The following SGCZ variants were observed in gnomAD, a reference collection of about 807,000 sequenced individuals.
The protein encoded by SGCZ is sarcoglycan zeta, also known as zeta-sarcoglycan.
A neutral mutation model predicts 41.3 loss-of-function variants in SGCZ; 40 were observed. That is an observed-to-expected ratio of 0.97 (90% CI 0.75 to 1.26). The LOEUF is 1.26. SGCZ is among the 50% of genes most tolerant of loss of function. The pLI is 0.00. For missense variants in SGCZ, 552 were observed against 369.8 expected, an observed-to-expected ratio of 1.49 and a Z score of -4.04; for synonymous variants, 206 against 137.5, an observed-to-expected ratio of 1.50 and a Z score of -3.49.
At chr8:14,685,316 T>C (rs1221995893) in intron 1 of SGCZ, among the ~76,000 whole-genome samples, 1 of 152,056 alleles carries the variant, frequency 6.6e-6, no homozygotes, top group Non-Finnish European at 1.5e-5. Context: ...GTAAAAAAGA[T>C]TAAAAAATTC....
intron 1 of SGCZ, among the ~76,000 whole-genome samples, chr8:14,611,668 A>C (rs1805934690): frequency 6.6e-6 from 1 of 152,218 alleles, no homozygotes; most frequent in African/African-American, 2.4e-5. Flanking sequence ...AATATAGAAA[A>C]AATTGCAGCA....
At chr8:14,994,225 TG>T (rs1355220939) in intron 1 of SGCZ, among the ~76,000 whole-genome samples, 2 of 152,226 alleles carry the variant, frequency 1.3e-5, no homozygotes, top group Non-Finnish European at 2.9e-5. Context: ...TACAGAACCA[TG>T]GGCATCTTCA....
chr8:14,644,913 G>C (rs902496736), intron 1 of SGCZ, among the ~76,000 whole-genome samples: 1 of 146,228 alleles, frequency 6.8e-6, no homozygotes, highest in East Asian at 2.0e-4. Flanking sequence ...CCTCTTGACA[G>C]AAATATAAAA....
chr8:14,137,249 T>TA (rs1443075461), intron 5 of SGCZ, among the ~76,000 whole-genome samples: 2 of 152,136 alleles, frequency 1.3e-5, no homozygotes, highest in African/African-American at 2.4e-5. Flanking sequence ...GCTGAAAATT[T>TA]AAAAAACCAG....
At chr8:14,828,933 T>G (rs1802432286) in intron 1 of SGCZ, among the ~76,000 whole-genome samples, 1 of 151,230 alleles carries the variant, frequency 6.6e-6, no homozygotes, top group Admixed American at 6.6e-5. Context: ...TTAACAGTCC[T>G]GATATGGCTC....
intron 2 of SGCZ, among the ~76,000 whole-genome samples, chr8:14,406,979 C>G (rs543720991): frequency 7.9e-5 from 12 of 151,720 alleles, no homozygotes; most frequent in Admixed American, 2.0e-4. Context: ...CAAGAACCCT[C>G]TAGGACTAAG....
intron 3 of SGCZ, among the ~76,000 whole-genome samples, chr8:14,272,660 T>C (rs566991309): frequency 1.3e-5 from 2 of 152,308 alleles, no homozygotes; most frequent in East Asian, 3.9e-4. Flanking sequence ...TAGAATAAAT[T>C]ATGTTCATCA....
intron 1 of SGCZ, among the ~76,000 whole-genome samples, chr8:15,176,798 G>C (rs1019656895): frequency 6.6e-6 from 1 of 152,124 alleles, no homozygotes; most frequent in South Asian, 2.1e-4. Flanking sequence ...TCAGGAGATC[G>C]AGACCATCCT....
intron 1 of SGCZ, among the ~76,000 whole-genome samples, chr8:15,214,648 G>A (rs1801341846): frequency 6.6e-6 from 1 of 152,066 alleles, no homozygotes; most frequent in South Asian, 2.1e-4. Context: ...TCCCTGAATC[G>A]TGGGGAGCTC....
chr8:14,381,419 C>T (rs1804358240), intron 2 of SGCZ, among the ~76,000 whole-genome samples: 1 of 152,120 alleles, frequency 6.6e-6, no homozygotes, highest in South Asian at 2.1e-4. Flanking sequence ...TATTTTACCA[C>T]TTCCTGCCCC....
intron 7 of SGCZ, among the ~76,000 whole-genome samples, chr8:14,098,469 C>T (rs929985878): frequency 1.3e-5 from 2 of 152,084 alleles, no homozygotes; most frequent in Admixed American, 1.3e-4. Flanking sequence ...GAGATGATTC[C>T]TTTTATTGGT....
At chr8:15,218,857 G>C (rs901105420) in intron 1 of SGCZ, among the ~76,000 whole-genome samples, 1 of 152,124 alleles carries the variant, frequency 6.6e-6, no homozygotes, top group African/African-American at 2.4e-5. Context: ...TTTACCATTT[G>C]AGGGAATCGA....
intron 1 of SGCZ, among the ~76,000 whole-genome samples, chr8:15,145,324 G>A (rs975308663): frequency 2.0e-5 from 3 of 152,166 alleles, no homozygotes; most frequent in Non-Finnish European, 4.4e-5. Flanking sequence ...TTTTCAAGGA[G>A]CTCAAGAGTT....
At chr8:14,599,319 C>T (rs929188670) in intron 1 of SGCZ, among the ~76,000 whole-genome samples, 1 of 152,072 alleles carries the variant, frequency 6.6e-6, no homozygotes, top group African/African-American at 2.4e-5. Context: ...TTTTAAAGTC[C>T]TTCGTCCTAC....
intron 1 of SGCZ, among the ~76,000 whole-genome samples, chr8:15,000,815 G>T (rs892549413): frequency 1.3e-5 from 2 of 152,130 alleles, no homozygotes; most frequent in South Asian, 2.1e-4. Context: ...CCATCTACCC[G>T]CTTTTTGGAT....
intron 1 of SGCZ, among the ~76,000 whole-genome samples, chr8:15,049,596 T>C (rs1397098368): frequency 2.6e-5 from 4 of 152,150 alleles, no homozygotes; most frequent in Non-Finnish European, 5.9e-5. Context: ...GGCAGAGATA[T>C]GTACTGCCAC....
At chr8:14,851,639 T>C (rs1286203037) in intron 1 of SGCZ, among the ~76,000 whole-genome samples, 1 of 152,180 alleles carries the variant, frequency 6.6e-6, no homozygotes, top group Non-Finnish European at 1.5e-5. Context: ...ATGGGCATTG[T>C]ATTTCACAAA....
At chr8:14,788,314 G>A (rs1267614099) in intron 1 of SGCZ, among the ~76,000 whole-genome samples, 1 of 152,210 alleles carries the variant, frequency 6.6e-6, no homozygotes, top group Non-Finnish European at 1.5e-5. Flanking sequence ...ACTGAACAAT[G>A]TGTGTTGGAA....
At chr8:15,170,326 C>A (rs1308990208) in intron 1 of SGCZ, among the ~76,000 whole-genome samples, 1 of 152,174 alleles carries the variant, frequency 6.6e-6, no homozygotes, top group Non-Finnish European at 1.5e-5. Context: ...GTCACTTACA[C>A]AACAAACCTC....
Sources: gnomAD v4.1 joint callset for allele counts (sites outside exome capture counted in the v4.1 genomes callset) on GRCh38, gnomAD v4.1.1 for gene constraint, MANE v1.5 for transcripts, NCBI Gene and HGNC (gene_info 2026-07-23, HGNC 2026-07-21) for gene names.